NPSR1: variants seen among roughly 807,000 people sequenced by gnomAD.
NPSR1 encodes neuropeptide S receptor.
A neutral mutation model predicts 46.9 loss-of-function variants in NPSR1; 48 were observed. The ratio of observed to expected loss-of-function variants is 1.02; its 90% CI spans 0.81 to 1.30. The LOEUF is 1.30. Among genes scored for constraint, NPSR1 ranks in the 50% most tolerant of loss-of-function variants. NPSR1 has a pLI of 0.00. For synonymous variants in NPSR1, 176 were observed against 168.1 expected (o/e 1.05, Z -0.36); for missense variants, 450 against 449.5 (o/e 1.00, Z -0.01).
At chr7:34,799,106 G>A (rs1788343727) in intron 3 of NPSR1, among the ~76,000 whole-genome samples, 1 of 151,986 alleles carries the variant, frequency 6.6e-6, no homozygotes, top group South Asian at 2.1e-4. Context: ...GATAAAAATT[G>A]GAGCATAAAT....
At chr7:34,797,775 T>A (rs760783259) in intron 3 of NPSR1, among the ~76,000 whole-genome samples, 3 of 152,122 alleles carry the variant, frequency 2.0e-5, no homozygotes, top group Non-Finnish European at 4.4e-5. Flanking sequence ...AAAATCCTGA[T>A]AGAAGTTGAG....
At chr7:34,827,953 C>G (rs191672957) in intron 5 of NPSR1, among the ~76,000 whole-genome samples, 1 of 152,170 alleles carries the variant, frequency 6.6e-6, no homozygotes, top group Non-Finnish European at 1.5e-5. Flanking sequence ...TATTCAACAT[C>G]AAACAGGATT....
intron 4 of NPSR1, among the ~76,000 whole-genome samples, chr7:34,826,140 TC>T (rs1407461660): frequency 1.3e-5 from 2 of 152,114 alleles, no homozygotes; most frequent in Non-Finnish European, 2.9e-5. Flanking sequence ...TCTCCCCCTG[TC>T]CCCAGTGGAT....
intron 2 of NPSR1, among the ~76,000 whole-genome samples, chr7:34,764,738 A>G (rs1160384299): frequency 1.3e-5 from 2 of 152,202 alleles, no homozygotes; most frequent in African/African-American, 2.4e-5. Context: ...CACCAATACC[A>G]TTGGAAGTCT....
intron 1 of NPSR1, among the ~76,000 whole-genome samples, chr7:34,665,133 G>T (rs537648814): frequency 6.6e-6 from 1 of 152,160 alleles, no homozygotes; most frequent in Non-Finnish European, 1.5e-5. Flanking sequence ...AGAAAGAAAA[G>T]AAAGAGAATT....
chr7:34,792,052 G>GA (rs1186843638), intron 3 of NPSR1, among the ~76,000 whole-genome samples: 3 of 151,996 alleles, frequency 2.0e-5, no homozygotes, highest in East Asian at 1.9e-4. Flanking sequence ...ATACAATACA[G>GA]AAAAAAATCA....
chr7:34,702,550 C>T (rs1488359364), intron 2 of NPSR1, among the ~76,000 whole-genome samples: 7 of 152,172 alleles, frequency 4.6e-5, no homozygotes, highest in Admixed American at 4.6e-4. Context: ...AATGCTTCTT[C>T]CAGAGTGCTA....
At chr7:34,752,246 C>T (rs1785577890) in intron 2 of NPSR1, among the ~76,000 whole-genome samples, 1 of 152,186 alleles carries the variant, frequency 6.6e-6, no homozygotes, top group Non-Finnish European at 1.5e-5. Context: ...TAAATACCTT[C>T]CTCTGGAGCC....
At chr7:34,678,857 T>C (rs1251703059) in intron 1 of NPSR1, among the ~76,000 whole-genome samples, 1 of 151,144 alleles carries the variant, frequency 6.6e-6, no homozygotes, top group Admixed American at 6.6e-5. Context: ...AAAAAGAAAT[T>C]CTTATAAACT....
At chr7:34,788,451 A>C (rs1318374065) in intron 3 of NPSR1, among the ~76,000 whole-genome samples, 5 of 152,128 alleles carry the variant, frequency 3.3e-5, no homozygotes, top group Admixed American at 3.3e-4. Flanking sequence ...CATATAACTG[A>C]AAGTAAAAAT....
At chr7:34,720,931 A>G (rs1783824884) in intron 2 of NPSR1, among the ~76,000 whole-genome samples, 1 of 152,200 alleles carries the variant, frequency 6.6e-6, no homozygotes, top group Admixed American at 6.5e-5. Flanking sequence ...AGTACACTTT[A>G]TACCAAGAAA....
chr7:34,746,908 C>T (rs1040485771), intron 2 of NPSR1, among the ~76,000 whole-genome samples: 69 of 152,112 alleles, frequency 4.5e-4, no homozygotes, highest in African/African-American at 1.6e-3. Flanking sequence ...AGGTGGATCA[C>T]GAGGTCAAGA....
At chr7:34,745,353 T>A (rs1303720956) in intron 2 of NPSR1, among the ~76,000 whole-genome samples, 1 of 152,208 alleles carries the variant, frequency 6.6e-6, no homozygotes, top group Non-Finnish European at 1.5e-5. Flanking sequence ...CTCTTTTTAT[T>A]GGTTCCAACC....
chr7:34,750,546 C>G (rs1008842943), intron 2 of NPSR1: 3 of 698,134 alleles, frequency 4.3e-6, no homozygotes, highest in Non-Finnish European at 8.0e-6. Flanking sequence ...TGGTTAATCT[C>G]AAGCTCCTCA....
chr7:34,678,286 A>G (rs1183470529), intron 1 of NPSR1, among the ~76,000 whole-genome samples: 1 of 134,916 alleles, frequency 7.4e-6, no homozygotes, highest in Non-Finnish European at 1.5e-5. Context: ...CAGTGGCGCC[A>G]TCTCAGCTCA....
intron 1 of NPSR1, among the ~76,000 whole-genome samples, chr7:34,667,823 T>TA (rs200874895): frequency 0.015 from 2,246 of 152,008 alleles, 23 homozygotes; most frequent in Middle Eastern, 0.034. Flanking sequence ...GCTCAGTTTT[T>TA]AAAAAACAGT....
intron 2 of NPSR1, among the ~76,000 whole-genome samples, chr7:34,704,784 C>T (rs972266654): frequency 6.6e-6 from 1 of 152,142 alleles, no homozygotes; most frequent in Non-Finnish European, 1.5e-5. Context: ...AGCATCTTAT[C>T]GGATTGCTTA....
intron 2 of NPSR1, among the ~76,000 whole-genome samples, chr7:34,713,724 T>C (rs1299625998): frequency 6.6e-6 from 1 of 152,138 alleles, no homozygotes; most frequent in Non-Finnish European, 1.5e-5. Flanking sequence ...CTGGCAAAGC[T>C]CTGCATAGTC....
At chr7:34,823,417 C>CAAA (rs79081202) in intron 4 of NPSR1, among the ~76,000 whole-genome samples, 2 of 103,956 alleles carry the variant, frequency 1.9e-5, no homozygotes, top group Non-Finnish European at 3.7e-5. Context: ...AAAAAAAAAA[C>CAAA]AACACCATAA....
Sources: allele counts gnomAD v4.1 joint callset (sites outside exome capture counted in the v4.1 genomes callset), GRCh38; gene constraint gnomAD v4.1.1; transcripts MANE v1.5; gene names NCBI Gene and HGNC (gene_info 2026-07-23, HGNC 2026-07-21).